IFT74: variants seen among roughly 807,000 people sequenced by gnomAD.
IFT74 encodes intraflagellar transport protein 74 homolog.
IFT74 carries 92 observed loss-of-function variants against 96.7 expected under a neutral mutation model. That is an observed-to-expected ratio of 0.95 (90% CI 0.80 to 1.13). The LOEUF (loss-of-function observed/expected upper bound fraction) is 1.13. IFT74 is among the 50% of genes most tolerant of loss of function. IFT74 has a pLI of 0.00. For synonymous variants in IFT74, 223 were observed against 213.2 expected (o/e 1.05, Z -0.40); for missense variants, 811 against 698.2 (o/e 1.16, Z -1.82).
chr9:26,952,073 C>A (rs895397292), upstream of IFT74, among the ~76,000 whole-genome samples: 18 of 152,254 alleles, frequency 1.2e-4, no homozygotes, highest in Non-Finnish European at 2.1e-4. Flanking sequence ...GAAAAACATT[C>A]TTCTAGTGCC....
At chr9:26,983,906 C>T (rs574748044) in intron 4 of IFT74, 5 of 166,316 alleles carry the variant, frequency 3.0e-5, no homozygotes, top group African/African-American at 9.7e-5. Context: ...GCCTCAGCCT[C>T]CCTAGTAGCT....
intron 2 of IFT74, among the ~76,000 whole-genome samples, chr9:26,965,088 G>T (rs1287942243): frequency 1.3e-5 from 2 of 151,934 alleles, no homozygotes; most frequent in Admixed American, 1.3e-4. Flanking sequence ...CCCTATAAAG[G>T]CTGTTAGATA....
chr9:27,028,412 C>T (rs1003801046), intron 12 of IFT74, among the ~76,000 whole-genome samples: 5 of 152,134 alleles, frequency 3.3e-5, no homozygotes, highest in African/African-American at 1.2e-4. Context: ...TGCTGTTTAA[C>T]TCAGGCAACT....
chr9:26,988,971 C>T (rs910248639), intron 7 of IFT74, among the ~76,000 whole-genome samples: 3 of 152,080 alleles, frequency 2.0e-5, no homozygotes, highest in Admixed American at 6.6e-5. Flanking sequence ...ACTGGTGTCA[C>T]GTGCAACATT....
chr9:26,978,523 A>T (rs1209261870), intron 3 of IFT74, among the ~76,000 whole-genome samples: 2 of 152,214 alleles, frequency 1.3e-5, no homozygotes, highest in Non-Finnish European at 2.9e-5. Flanking sequence ...ATGAAAATAC[A>T]GTTTGAATTA....
chr9:26,988,998 C>T (rs912845141), intron 7 of IFT74, among the ~76,000 whole-genome samples: 1 of 152,128 alleles, frequency 6.6e-6, no homozygotes, highest in South Asian at 2.1e-4. Context: ...GGAGTGCCAT[C>T]TCCATTTCCT....
intron 2 of IFT74, among the ~76,000 whole-genome samples, chr9:26,966,301 A>C (rs75619258): frequency 2.0e-5 from 3 of 151,954 alleles, no homozygotes; most frequent in Admixed American, 1.3e-4. Flanking sequence ...ACACTGTACA[A>C]AGGTTCCCTT....
intron 18 of IFT74, among the ~76,000 whole-genome samples, chr9:27,057,308 A>G (rs1820211449): frequency 6.6e-6 from 1 of 152,106 alleles, no homozygotes; most frequent in Non-Finnish European, 1.5e-5. Context: ...AATTACTTGA[A>G]CAGTGTGTGA....
At chr9:27,046,650 G>T (rs779963619) in intron 14 of IFT74, among the ~76,000 whole-genome samples, 3 of 152,080 alleles carry the variant, frequency 2.0e-5, no homozygotes, top group Non-Finnish European at 4.4e-5. Flanking sequence ...TAGAAATAAA[G>T]TTAGTAGTCA....
chr9:27,047,230 TAACTC>T, intron 14 of IFT74, 39 bp from the exon 15 acceptor site: 1 of 1,163,218 alleles, frequency 8.6e-7, no homozygotes, highest in Non-Finnish European at 1.3e-6. Context: ...TATATAGTGT[TAACTC>T]TATCAGCAGT....
intron 2 of IFT74, among the ~76,000 whole-genome samples, chr9:26,971,146 C>G (rs995913394): frequency 1.3e-5 from 2 of 152,098 alleles, no homozygotes; most frequent in African/African-American, 4.8e-5. Flanking sequence ...AGGAGATAGT[C>G]TCTACACAGT....
At chr9:27,029,172 G>A in intron 13 of IFT74, 68 bp downstream of exon 13, 2 of 1,213,838 alleles carry the variant, frequency 1.6e-6, no homozygotes, top group South Asian at 1.4e-5. Flanking sequence ...GTGTTAACTG[G>A]TGTCTCAGAG....
intron 2 of IFT74, among the ~76,000 whole-genome samples, chr9:26,964,528 G>A (rs1826520465): frequency 6.6e-6 from 1 of 151,966 alleles, no homozygotes; most frequent in African/African-American, 2.4e-5. Context: ...GATGGGGATG[G>A]CATTGAATCT....
chr9:26,980,681 A>C (rs1827336821), intron 4 of IFT74, 62 bp downstream of exon 4: 2 of 1,047,362 alleles, frequency 1.9e-6, no homozygotes, highest in East Asian at 4.8e-5. Flanking sequence ...CCTTCTGTCA[A>C]AATAGAGTAT....
intron 13 of IFT74, among the ~76,000 whole-genome samples, chr9:27,037,331 G>T (rs1819252447): frequency 6.6e-6 from 1 of 151,684 alleles, no homozygotes; most frequent in Non-Finnish European, 1.5e-5. Flanking sequence ...GTATGAAAAA[G>T]CATTTAGCCT....
Position 27,011,907 on chromosome 9 carries a change from A to T in IFT74, c.728A>T (p.Glu243Val). The part of the protein sequence containing the change: ...MKTTNEKLLQ[E>V]LDTLQQQLDS... ...GTTTGCTTTTTTTTTTCCACTTAGG[A>T]ATTAGATACACTTCAACAACAATTG... The change falls in exon 10 of 20, where the codon GAA (glutamate) becomes GTA (valine). Residue 243 changes from glutamate (E) to valine (V), a missense_variant and splice_region_variant. By Grantham distance (121) the Glu-to-Val change is moderately radical. Coordinates refer to ENST00000380062, the MANE Select transcript of IFT74 (RefSeq NM_025103.4). 1.3e-6 allele frequency: 2 copies of T among 1,554,410 alleles called. No homozygotes were observed. The highest frequency in any genetic ancestry group is 1.7e-6 in the Non-Finnish European group (2 of 1,151,068).
chr9:27,046,350 A>T (rs771662252), intron 14 of IFT74, among the ~76,000 whole-genome samples: 1 of 152,214 alleles, frequency 6.6e-6, no homozygotes, highest in Non-Finnish European at 1.5e-5. Context: ...TATGCTAAAT[A>T]TAAGAAAAAA....
At chr9:27,039,793 C>A (rs1365663154) in intron 13 of IFT74, among the ~76,000 whole-genome samples, 2 of 152,092 alleles carry the variant, frequency 1.3e-5, no homozygotes, top group African/African-American at 4.8e-5. Flanking sequence ...TGAACATCCT[C>A]AGGTTTTGTT....
chr9:26,982,792 A>G (rs1227303152), intron 4 of IFT74, among the ~76,000 whole-genome samples: 1 of 151,858 alleles, frequency 6.6e-6, no homozygotes, highest in African/African-American at 2.4e-5. Flanking sequence ...GGGTTTCACC[A>G]TTTTGGCCAG....
Sources: gnomAD v4.1 joint callset for allele counts (sites outside exome capture counted in the v4.1 genomes callset) on GRCh38, gnomAD v4.1.1 for gene constraint, MANE v1.5 for transcripts, NCBI Gene and HGNC (gene_info 2026-07-23, HGNC 2026-07-21) for gene names.